CTNNA2: variants seen among roughly 807,000 people sequenced by gnomAD.
CTNNA2 encodes catenin alpha 2, also known as catenin alpha-2.
In CTNNA2, 42 loss-of-function variants were observed where a neutral mutation model predicts 101.0. The ratio of observed to expected loss-of-function variants is 0.42; its 90% confidence interval spans 0.32 to 0.54. CTNNA2 has a LOEUF of 0.54. CTNNA2 is among the 20% of genes least tolerant of loss of function. The probability of loss-of-function intolerance (pLI) is 0.14; values close to 1 mark genes in which losing one functional copy is unlikely to be tolerated. For missense variants in CTNNA2, 871 were observed against 1,223.1 expected (o/e 0.71, Z 4.29); for synonymous variants, 450 against 456.4 (o/e 0.99, Z 0.18).
chr2:80,179,116 C>G (rs554940292), intron 7 of CTNNA2, among the ~76,000 whole-genome samples: 7 of 152,336 alleles, frequency 4.6e-5, no homozygotes, highest in African/African-American at 9.6e-5. Context: ...AGGCAGATTG[C>G]TTCTGGTGGG....
intron 2 of CTNNA2, among the ~76,000 whole-genome samples, chr2:79,686,042 A>G (rs542899878): frequency 4.6e-5 from 7 of 152,260 alleles, no homozygotes; most frequent in African/African-American, 1.7e-4. Context: ...CAATCACCCA[A>G]TAATTGTTGG....
At chr2:79,991,060 G>T (rs1422368115) in intron 7 of CTNNA2, among the ~76,000 whole-genome samples, 1 of 152,114 alleles carries the variant, frequency 6.6e-6, no homozygotes, top group Non-Finnish European at 1.5e-5. Context: ...GTTTATTTGC[G>T]TATAGGTGTT....
rs67454188 is a variant in CTNNA2 at position 79,646,524 on chromosome 2, C to CTTT, written c.-5-5008_-5-5006dup. On this transcript the variant is annotated intron_variant, in intron 1 of 18. Transcript: ENST00000402739. ...CACAATTTAAAACTTTTCTTTCTGT[C>CTTT]TTTTTTTTTTTTTTTTTTTTTTGAG... 3.1e-3 allele frequency among the ~76,000 whole-genome samples: 331 copies of CTTT among 106,070 alleles called. 1 individual carries two copies. Among genetic ancestry groups the CTTT allele is most frequent in the Middle Eastern group, 6.8e-3 (1 of 146 alleles). The allele number at this position is 106,070 out of a possible 152,430, so 69.6% of individuals were successfully genotyped here. A position where few individuals can be genotyped will look rare whatever the true frequency, so the allele number is the denominator to read the frequency against.
At chr2:79,665,952 C>T (rs984844765) in intron 2 of CTNNA2, among the ~76,000 whole-genome samples, 1 of 152,138 alleles carries the variant, frequency 6.6e-6, no homozygotes, top group Admixed American at 6.5e-5. Flanking sequence ...TAATTTCATT[C>T]TAAACTGTAG....
intron 3 of CTNNA2, among the ~76,000 whole-genome samples, chr2:79,321,835 A>T (rs1676631757): frequency 6.6e-6 from 1 of 151,982 alleles, no homozygotes. Flanking sequence ...ACATGAGCAC[A>T]TATACACAAA....
intron 1 of CTNNA2, among the ~76,000 whole-genome samples, chr2:79,514,976 A>G (rs1671732234): frequency 6.6e-6 from 1 of 152,198 alleles, no homozygotes; most frequent in Non-Finnish European, 1.5e-5. Context: ...AGGAGTTGAG[A>G]TGAAGAGAAT....
intron 1 of CTNNA2, among the ~76,000 whole-genome samples, chr2:79,537,318 G>A (rs1573282078): frequency 6.6e-6 from 1 of 152,252 alleles, no homozygotes; most frequent in East Asian, 1.9e-4. Flanking sequence ...GCTACTCTGG[G>A]ATTTTAACAT....
chr2:79,315,881 A>G (rs958495610), intron 3 of CTNNA2, among the ~76,000 whole-genome samples: 1 of 152,124 alleles, frequency 6.6e-6, no homozygotes, highest in Non-Finnish European at 1.5e-5. Flanking sequence ...CCAGCAATTC[A>G]TAAGGATTCT....
intron 6 of CTNNA2, among the ~76,000 whole-genome samples, chr2:79,884,791 C>G (rs1003277227): frequency 2.9e-5 from 4 of 137,300 alleles, no homozygotes; most frequent in Non-Finnish European, 4.7e-5. Context: ...TTGTAATTCT[C>G]TTTCCGATCT....
At chr2:80,036,875 GAGAA>G (rs1695703954) in intron 7 of CTNNA2, among the ~76,000 whole-genome samples, 2 of 142,278 alleles carry the variant, frequency 1.4e-5, no homozygotes, top group African/African-American at 2.6e-5. Flanking sequence ...GAGAGAGAGA[GAGAA>G]GAGGAAGGAG....
At chr2:80,011,708 A>T (rs1166820869) in intron 7 of CTNNA2, among the ~76,000 whole-genome samples, 1 of 152,204 alleles carries the variant, frequency 6.6e-6, no homozygotes, top group East Asian at 1.9e-4. Context: ...TGTTACCTAC[A>T]TATAAGCAAT....
At chr2:80,351,795 C>A (rs1377168289) in intron 7 of CTNNA2, among the ~76,000 whole-genome samples, 1 of 152,000 alleles carries the variant, frequency 6.6e-6, no homozygotes, top group Non-Finnish European at 1.5e-5. Flanking sequence ...CCAGTTTGGG[C>A]TAATTTTATC....
chr2:80,224,934 C>T (rs934568416), intron 7 of CTNNA2, among the ~76,000 whole-genome samples: 2 of 152,142 alleles, frequency 1.3e-5, no homozygotes, highest in Non-Finnish European at 2.9e-5. Context: ...TCCACCTAAC[C>T]CCCCTGCCCA....
intron 4 of CTNNA2, among the ~76,000 whole-genome samples, chr2:79,502,447 G>A (rs1374144576): frequency 2.0e-5 from 3 of 152,198 alleles, no homozygotes; most frequent in Non-Finnish European, 2.9e-5. Flanking sequence ...TGTGATTTGC[G>A]ACTTGGTCAT....
At chr2:80,389,423 C>T (rs1332946342) in intron 7 of CTNNA2, among the ~76,000 whole-genome samples, 6 of 152,084 alleles carry the variant, frequency 3.9e-5, no homozygotes, top group African/African-American at 1.4e-4. Context: ...TCCTTCCTCC[C>T]TCCTCACTAT....
At chr2:79,340,982 A>T (rs1001391673) in intron 3 of CTNNA2, among the ~76,000 whole-genome samples, 1 of 151,930 alleles carries the variant, frequency 6.6e-6, no homozygotes, top group Non-Finnish European at 1.5e-5. Flanking sequence ...AGTGATAAAT[A>T]TTATAAAATG....
At chr2:79,950,338 T>G (rs1688795136) in intron 7 of CTNNA2, among the ~76,000 whole-genome samples, 2 of 152,268 alleles carry the variant, frequency 1.3e-5, no homozygotes, top group African/African-American at 4.8e-5. Flanking sequence ...TGTAGTTCTT[T>G]ACAATTATGG....
chr2:79,945,608 G>T (rs1459923839), intron 7 of CTNNA2, among the ~76,000 whole-genome samples: 3 of 152,052 alleles, frequency 2.0e-5, no homozygotes, highest in Non-Finnish European at 4.4e-5. Context: ...CTGTCTATTT[G>T]AAATCAGCAA....
chr2:80,411,619 A>G (rs1013974341), intron 8 of CTNNA2, among the ~76,000 whole-genome samples: 2 of 152,160 alleles, frequency 1.3e-5, no homozygotes, highest in African/African-American at 4.8e-5. Context: ...CTTTTGGTCA[A>G]TAATGTTCAC....
Sources: allele counts gnomAD v4.1 joint callset (sites outside exome capture counted in the v4.1 genomes callset), GRCh38; gene constraint gnomAD v4.1.1; transcripts MANE v1.5; gene names NCBI Gene and HGNC (gene_info 2026-07-23, HGNC 2026-07-21).